DLG5: variants seen among roughly 807,000 people sequenced by gnomAD.
DLG5 encodes disks large homolog 5.
In DLG5, 48 loss-of-function variants were observed where a neutral mutation model predicts 189.8. That is an observed-to-expected ratio of 0.25 (90% CI 0.20 to 0.32). DLG5 has a LOEUF of 0.32. DLG5 is among the 10% of genes least tolerant of loss of function. The pLI, the probability that DLG5 is intolerant of heterozygous loss-of-function variation, is 1.00. For synonymous variants in DLG5, 1,016 were observed against 1,054.1 expected (o/e 0.96, Z 0.70); for missense variants, 2,160 against 2,544.7 (o/e 0.85, Z 3.25).
intron 1 of DLG5, among the ~76,000 whole-genome samples, chr10:77,894,807 C>T (rs1845710885): frequency 6.6e-6 from 1 of 152,122 alleles, no homozygotes; most frequent in Non-Finnish European, 1.5e-5. Context: ...TAGCTCAGCA[C>T]CTCTCTTCCT....
At chr10:77,911,508 T>C (rs1254943564) in intron 1 of DLG5, among the ~76,000 whole-genome samples, 3 of 152,156 alleles carry the variant, frequency 2.0e-5, no homozygotes, top group Non-Finnish European at 4.4e-5. Context: ...CCTTCCTCAA[T>C]ATTGGCTGGA....
At chr10:77,819,837 A>C in intron 16 of DLG5, 58 bp downstream of exon 16, 1 of 1,503,962 alleles carries the variant, frequency 6.6e-7, no homozygotes, top group Non-Finnish European at 8.8e-7. Flanking sequence ...CTCCCTGGAG[A>C]CTAGGCATCC....
intron 1 of DLG5, among the ~76,000 whole-genome samples, chr10:77,898,831 A>G (rs1051824850): frequency 6.6e-6 from 1 of 152,210 alleles, no homozygotes; most frequent in Non-Finnish European, 1.5e-5. Flanking sequence ...TGCTAGATGC[A>G]AAGACCCAGA....
At chr10:77,864,301 G>T (rs1844587700) in intron 2 of DLG5, among the ~76,000 whole-genome samples, 2 of 152,212 alleles carry the variant, frequency 1.3e-5, no homozygotes, top group African/African-American at 4.8e-5. Flanking sequence ...AGGAGCCAGA[G>T]AGATGTCCAG....
At chr10:77,882,881 T>A (rs1330804412) in intron 1 of DLG5, among the ~76,000 whole-genome samples, 1 of 148,594 alleles carries the variant, frequency 6.7e-6, no homozygotes, top group East Asian at 2.0e-4. Flanking sequence ...TCCACTGCAC[T>A]CCAGCCTGGG....
chr10:77,926,304 C>A lies in DLG5; in HGVS notation c.217G>T (p.Ala73Ser). Residue 73 changes from alanine (A) to serine (S), a missense_variant, in exon 1 of 32, where the codon GCG (alanine) becomes TCG (serine). Around this residue, in one of 5 missense-constraint regions of DLG5, gnomAD observed 664 missense variants for 838.5 expected, o/e 0.79. Transcript: ENST00000372391. This position sits in a 1 kb window ranked among gnomAD's most constrained non-coding sequence, Gnocchi z 5.2. Reference sequence around the variant, plus strand: ...TGAGGCTGCGTCTTCTCCAGCGCCGCCCGCAGGTCCTGGAAGTGGTCCCGC... The same window carrying A: ...TGAGGCTGCGTCTTCTCCAGCGCCGACCGCAGGTCCTGGAAGTGGTCCCGC... ...KERDHFQDLRAALEKTQPHLL... is the reference protein window; with the variant it reads ...KERDHFQDLRSALEKTQPHLL... 6.3e-7 allele frequency: 1 copy of A among 1,598,256 alleles called. No homozygotes were observed. Among genetic ancestry groups the A allele is most frequent in the East Asian group, 2.3e-5 (1 of 44,002 alleles).
At chr10:77,805,531 C>T (rs1418968804) in intron 27 of DLG5, 134 bp downstream of exon 27, 17 of 1,045,370 alleles carry the variant, frequency 1.6e-5, no homozygotes, top group Admixed American at 8.4e-5. Flanking sequence ...CCGACCAAGC[C>T]GAACACACAC....
At chr10:77,846,742 A>G (rs1448137307) in intron 5 of DLG5, 2 of 456,056 alleles carry the variant, frequency 4.4e-6, no homozygotes, top group Non-Finnish European at 8.8e-6. Flanking sequence ...AACATCCCCT[A>G]AGCCAAGTGA....
chr10:77,909,028 A>C (rs558941555), intron 1 of DLG5, among the ~76,000 whole-genome samples: 3 of 152,328 alleles, frequency 2.0e-5, no homozygotes, highest in African/African-American at 7.2e-5. Flanking sequence ...AAAAGAACGA[A>C]TCCAGGTTGG....
intron 20 of DLG5, among the ~76,000 whole-genome samples, chr10:77,813,635 C>T (rs1260512961): frequency 6.6e-6 from 1 of 152,152 alleles, no homozygotes; most frequent in Non-Finnish European, 1.5e-5. Context: ...CCTACATCAC[C>T]CTCCTGCCCC....
intron 1 of DLG5, among the ~76,000 whole-genome samples, chr10:77,903,843 C>T (rs765277437): frequency 9.9e-5 from 15 of 152,174 alleles, no homozygotes; most frequent in Non-Finnish European, 1.9e-4. Flanking sequence ...CAGCATCAGA[C>T]CTAAAACTTG....
At position 77,796,609 on chromosome 10, in the gene DLG5, G is replaced by C. The variant is rs7096117; in HGVS notation, c.5165-15C>G. On this transcript the variant is annotated splice_polypyrimidine_tract_variant and intron_variant, in intron 27 of 31. Coordinates refer to ENST00000372391, the MANE Select transcript of DLG5 (RefSeq NM_004747.4). This position sits in a 1 kb window ranked among gnomAD's most constrained non-coding sequence, Gnocchi z 5.2. ...GCTCACCGAATCTGAGGGAGAGAGA[G>C]CAGCAGCGTCACGGACCCAGCTTGG... The C allele has an allele frequency of 6.2e-7, 1 of 1,613,374 alleles. No individual in the cohort carries two copies. Among genetic ancestry groups the C allele is most frequent in the African/African-American group, 1.3e-5 (1 of 74,892 alleles).
At chr10:77,829,272 C>G in intron 12 of DLG5, 83 bp downstream of exon 12, 1 of 1,574,010 alleles carries the variant, frequency 6.4e-7, no homozygotes, top group South Asian at 1.1e-5. Flanking sequence ...GAATGAGGTG[C>G]TCTAAGGGGC....
intron 26 of DLG5, 58 bp downstream of exon 26, chr10:77,806,700 G>T: frequency 6.7e-7 from 1 of 1,490,252 alleles, no homozygotes; most frequent in Non-Finnish European, 9.3e-7. Flanking sequence ...ACAGCTCCAT[G>T]GCTGGTGGCC....
intron 14 of DLG5, among the ~76,000 whole-genome samples, chr10:77,823,530 CTTT>C (rs55870292): frequency 4.8e-3 from 648 of 135,226 alleles, no homozygotes; most frequent in Middle Eastern, 0.03. Context: ...ACTTCCCTTC[CTTT>C]TTTTTTTTTT....
In DLG5 at chr10:77,828,306, T is replaced by G. The variant is rs150393439; in HGVS notation, c.2289+576A>C. 4.9e-3 allele frequency among the ~76,000 whole-genome samples: 746 copies of G among 151,960 alleles called. 9 individuals are homozygous for G. The highest frequency in any genetic ancestry group is 0.017 in the African/African-American group (686 of 41,466). The stretch of plus-strand genomic sequence containing the variant: ...TTCAAGACCAGCCTGGCCAACATGG[T>G]GAAACCCCATCTCTACTAAAAGTAC... On this transcript the variant is annotated intron_variant, in intron 13 of 31. Coordinates refer to ENST00000372391, the MANE Select transcript of DLG5 (RefSeq NM_004747.4).
rs147421148 is a variant in DLG5 at position 77,881,668 on chromosome 10, A to G, written c.305-12471T>C. ...GGAGTGGGCCAATGGAGTTTCAGGA[A>G]GCTGTTTATGATTCTGATGCTTAGA... On this transcript the variant is annotated intron_variant, in intron 1 of 31. Transcript: ENST00000372391. Among the ~76,000 whole-genome samples the G allele has an allele frequency of 2.0e-5, 3 of 152,326 alleles. No individual in the cohort carries two copies. The East Asian group carries it at 5.8e-4, about 29-fold the overall frequency.
rs751260569 is a variant in DLG5 at position 77,821,335 on chromosome 10, G to A, written c.3149C>T (p.Ala1050Val). The A allele has an allele frequency of 2.5e-6, 4 of 1,613,136 alleles. No homozygotes were observed. The highest frequency in any genetic ancestry group is 1.1e-5 in the South Asian group (1 of 91,084). ...GSSPSTSPPSALPPDVDPGEP... is the reference protein window; with the variant it reads ...GSSPSTSPPSVLPPDVDPGEP... ...CCCGGGGTCCACGTCAGGGGGCAGGGCGCTCGGGGGACTAGTGGATGGGGA... is the reference window on the plus strand; with the variant it reads ...CCCGGGGTCCACGTCAGGGGGCAGGACGCTCGGGGGACTAGTGGATGGGGA... The change falls in exon 15 of 32, where the codon GCC becomes GTC. Residue 1050 changes from alanine (A) to valine (V), a missense_variant. Around this residue, in one of 5 missense-constraint regions of DLG5, gnomAD observed 754 missense variants for 746.5 expected, o/e 1.01. Transcript: ENST00000372391.
At chr10:77,912,100 G>A (rs767568399) in intron 1 of DLG5, among the ~76,000 whole-genome samples, 45 of 150,898 alleles carry the variant, frequency 3.0e-4, no homozygotes, top group Non-Finnish European at 5.8e-4. Flanking sequence ...ACTCAGGGAG[G>A]CTGAGGCAGG....
Sources: allele counts gnomAD v4.1 joint callset (sites outside exome capture counted in the v4.1 genomes callset), GRCh38; gene constraint gnomAD v4.1.1; regional missense constraint gnomAD v4.1.1; non-coding constraint Gnocchi (gnomAD v3.1); transcripts MANE v1.5; gene names NCBI Gene and HGNC (gene_info 2026-07-23, HGNC 2026-07-21).